Variants in FMN1 observed in about 807,000 individuals in gnomAD.
The protein encoded by FMN1 is formin-1.
A neutral mutation model predicts 132.4 loss-of-function variants in FMN1; 110 were observed. The ratio of observed to expected loss-of-function variants is 0.83; its 90% confidence interval spans 0.71 to 0.97. The LOEUF is 0.97. FMN1 is among the 50% of genes least tolerant of loss of function. FMN1 has a pLI of 0.00. For missense variants in FMN1, 1,792 were observed against 1,705.3 expected (o/e 1.05, Z -0.90); for synonymous variants, 722 against 651.7 (o/e 1.11, Z -1.64).
At chr15:33,038,176 C>T (rs1399439014) in intron 6 of FMN1, among the ~76,000 whole-genome samples, 1 of 152,154 alleles carries the variant, frequency 6.6e-6, no homozygotes, top group East Asian at 1.9e-4. Context: ...AGCAGTGAGC[C>T]GAGATCGCAC....
intron 17 of FMN1, among the ~76,000 whole-genome samples, chr15:32,813,756 C>T (rs1166021265): frequency 6.6e-6 from 1 of 152,140 alleles, no homozygotes; most frequent in African/African-American, 2.4e-5. Context: ...TTAATCTCAA[C>T]GTGGAGAAAA....
At chr15:32,826,381 T>A (rs2058367427) in intron 17 of FMN1, among the ~76,000 whole-genome samples, 1 of 152,126 alleles carries the variant, frequency 6.6e-6, no homozygotes. Context: ...GAGATCGAAT[T>A]CCCTGGGGGA....
At chr15:32,966,726 T>C (rs1469001870) in intron 8 of FMN1, among the ~76,000 whole-genome samples, 2 of 152,204 alleles carry the variant, frequency 1.3e-5, no homozygotes, top group Non-Finnish European at 2.9e-5. Flanking sequence ...TGTTTCTGGC[T>C]TCCCAGAAGA....
intron 17 of FMN1, among the ~76,000 whole-genome samples, chr15:32,825,234 TTAAAA>T (rs1567228137): frequency 1.1e-4 from 16 of 152,362 alleles, no homozygotes; most frequent in Admixed American, 7.8e-4. Context: ...GAATAATCTT[TTAAAA>T]CATGAATGTA....
intron 5 of FMN1, among the ~76,000 whole-genome samples, chr15:33,080,609 G>A (rs539192692): frequency 6.4e-4 from 97 of 152,176 alleles, no homozygotes; most frequent in African/African-American, 2.2e-3. Flanking sequence ...AAAATTAGCC[G>A]GGCATAATGG....
intron 16 of FMN1, among the ~76,000 whole-genome samples, chr15:32,883,274 C>A (rs12898602): frequency 6.6e-6 from 1 of 151,824 alleles, no homozygotes; most frequent in Non-Finnish European, 1.5e-5. Flanking sequence ...AGGCCAAGGC[C>A]GGAGGATCGC....
At chr15:33,091,929 CTG>C (rs1434070609) in intron 4 of FMN1, among the ~76,000 whole-genome samples, 2 of 152,102 alleles carry the variant, frequency 1.3e-5, no homozygotes, top group African/African-American at 4.8e-5. Flanking sequence ...TTGTGAAAAA[CTG>C]AATCAGTCTT....
chr15:33,134,024 G>A (rs551273994), intron 4 of FMN1, among the ~76,000 whole-genome samples: 17 of 152,174 alleles, frequency 1.1e-4, no homozygotes, highest in African/African-American at 3.1e-4. Flanking sequence ...CACAGTCATC[G>A]CTCACTGCAG....
chr15:32,948,736 T>C (rs2061562028), intron 9 of FMN1, among the ~76,000 whole-genome samples: 1 of 152,062 alleles, frequency 6.6e-6, no homozygotes, highest in African/African-American at 2.4e-5. Context: ...TTACTTATGC[T>C]TGTTTTGCTC....
chr15:32,822,806 T>C (rs1011015323), intron 17 of FMN1, among the ~76,000 whole-genome samples: 1 of 152,262 alleles, frequency 6.6e-6, no homozygotes, highest in African/African-American at 2.4e-5. Flanking sequence ...AAGGTGTCTG[T>C]ATCTTATAGT....
At chr15:33,112,757 C>G (rs1429858062) in intron 4 of FMN1, among the ~76,000 whole-genome samples, 1 of 152,156 alleles carries the variant, frequency 6.6e-6, no homozygotes, top group East Asian at 1.9e-4. Context: ...TTTCCCTGTT[C>G]TGCTAGAGAT....
At chr15:32,798,053 G>C (rs936284184) in intron 19 of FMN1, among the ~76,000 whole-genome samples, 3 of 152,078 alleles carry the variant, frequency 2.0e-5, no homozygotes, top group African/African-American at 7.2e-5. Flanking sequence ...GTAGTAGTAA[G>C]ACCTGTTTGA....
Position 32,969,262 on chromosome 15 carries a change from G to A in FMN1, c.2439C>T (p.Leu813=). ...VCVQTDRETF[L]KPCESESKTT... is the part of the protein sequence containing the mutation. ...TCTTGCTTTCACTTTCACAGGGCTT[G>A]AGGAAGGTCTCTCTGTCTGTCTGGA... Residue 813 remains leucine, a synonymous_variant, in exon 8 of 21, where the codon CTC becomes CTT. Coordinates refer to ENST00000616417, the MANE Select transcript of FMN1 (RefSeq NM_001277313.2). 6 of 1,613,946 alleles carry A rather than the reference G, an allele frequency of 3.7e-6. No individual in the cohort carries two copies. Among genetic ancestry groups the A allele is most frequent in the Non-Finnish European group, 5.1e-6 (6 of 1,179,902 alleles).
At chr15:32,816,328 G>A (rs770861080) in intron 17 of FMN1, among the ~76,000 whole-genome samples, 51 of 152,182 alleles carry the variant, frequency 3.4e-4, no homozygotes, top group African/African-American at 1.2e-3. Context: ...GTGGCATGAT[G>A]TGCCTAAAGT....
At chr15:33,161,081 C>A (rs1399886656) in intron 3 of FMN1, among the ~76,000 whole-genome samples, 2 of 152,224 alleles carry the variant, frequency 1.3e-5, no homozygotes, top group African/African-American at 4.8e-5. Context: ...CCTTAAAAGG[C>A]CAATGCAAAG....
Position 33,153,058 on chromosome 15 carries a change from C to G in FMN1, c.1857G>C (p.Gln619His). 6.6e-7 allele frequency: 1 copy of G among 1,521,618 alleles called. No individual in the cohort carries two copies. Among genetic ancestry groups the G allele is most frequent in the Non-Finnish European group, 8.8e-7 (1 of 1,141,020 alleles). 94.3% of individuals were successfully genotyped at this position (1,521,618 alleles called of 1,614,324 possible). A position where few individuals can be genotyped will look rare whatever the true frequency, so the allele number is the denominator to read the frequency against. ...TAAACAGAGACTAACCTGGAGGTGACTGGTGCTGGGGCTCAGCTGTGGTCT... is the reference window on the plus strand; with the variant it reads ...TAAACAGAGACTAACCTGGAGGTGAGTGGTGCTGGGGCTCAGCTGTGGTCT... ...PGKTTAEPQH[Q>H]SPPGISSEGF... The change falls in exon 4 of 21, where the codon CAG (glutamine) becomes CAC (histidine). Residue 619 changes from glutamine to histidine, a missense_variant. Gln to His is a conservative substitution (Grantham distance 24, BLOSUM62 0). Coordinates refer to ENST00000616417, the MANE Select transcript of FMN1 (RefSeq NM_001277313.2).
chr15:32,886,685 A>G (rs960971633), intron 16 of FMN1, among the ~76,000 whole-genome samples: 1 of 152,208 alleles, frequency 6.6e-6, no homozygotes, highest in Non-Finnish European at 1.5e-5. Flanking sequence ...GGGTTTCACA[A>G]GGGGCCAAGA....
At chr15:32,990,802 A>C (rs1014416229) in intron 7 of FMN1, among the ~76,000 whole-genome samples, 2 of 152,182 alleles carry the variant, frequency 1.3e-5, no homozygotes, top group South Asian at 2.1e-4. Flanking sequence ...CCTTCTTCAC[A>C]TGGTGGCAGG....
rs138478560 is a variant in FMN1, at chr15:32,929,593, G to A, written c.3139-3332C>T. 1.1e-3 allele frequency among the ~76,000 whole-genome samples: 171 copies of A among 152,178 alleles called. 2 individuals carry two copies. Among genetic ancestry groups the A allele is most frequent in the African/African-American group, 3.9e-3 (164 of 41,538 alleles). On this transcript the variant is annotated intron_variant, in intron 9 of 20. Coordinates refer to ENST00000616417, the MANE Select transcript of FMN1 (RefSeq NM_001277313.2). ...CAGAATAGCAGATTTCCAATTCGCC[G>A]TTGTTCCAGCCCCTGGGAACCACCA...
Sources: allele counts gnomAD v4.1 joint callset (sites outside exome capture counted in the v4.1 genomes callset), GRCh38; gene constraint gnomAD v4.1.1; transcripts MANE v1.5; gene names NCBI Gene and HGNC (gene_info 2026-07-23, HGNC 2026-07-21).